Variants in ITPR2 observed in about 807,000 individuals in gnomAD.
ITPR2 encodes inositol 1,4,5-trisphosphate receptor type 2, also known as inositol 1,4,5-trisphosphate-gated calcium channel ITPR2.
ITPR2 carries 207 observed loss-of-function variants against 317.1 expected under a neutral mutation model. The observed-to-expected ratio is 0.65, with a 90% CI of 0.58 to 0.73. The LOEUF is 0.73. ITPR2 is among the 30% of genes least tolerant of loss of function. The pLI is 0.00. For synonymous variants in ITPR2, 1,156 were observed against 1,149.1 expected (o/e 1.01, Z -0.12); for missense variants, 2,613 against 3,284.0 (o/e 0.80, Z 4.99).
chr12:26,660,905 T>C (rs1947480849), intron 15 of ITPR2, among the ~76,000 whole-genome samples: 1 of 151,660 alleles, frequency 6.6e-6, no homozygotes, highest in Admixed American at 6.6e-5. Flanking sequence ...CTACAACATA[T>C]AGGTGAAGAT....
chr12:26,775,601 T>C (rs1223459499), intron 2 of ITPR2, among the ~76,000 whole-genome samples: 1 of 152,154 alleles, frequency 6.6e-6, no homozygotes, highest in Non-Finnish European at 1.5e-5. Context: ...TGATCTTGGG[T>C]GTATCTGTGA....
intron 55 of ITPR2, among the ~76,000 whole-genome samples, chr12:26,371,113 A>C (rs1003694433): frequency 6.6e-6 from 1 of 152,230 alleles, no homozygotes; most frequent in Non-Finnish European, 1.5e-5. Context: ...CCATACATGG[A>C]ATGAGCTGGC....
chr12:26,627,355 T>A (rs1156905446), intron 23 of ITPR2: 1 of 152,218 alleles, frequency 6.6e-6, no homozygotes, highest in Non-Finnish European at 1.5e-5. Context: ...ATTTGGACTC[T>A]CGAGCTGGAG....
At chr12:26,383,147 G>A (rs994854455) in intron 55 of ITPR2, among the ~76,000 whole-genome samples, 3 of 151,992 alleles carry the variant, frequency 2.0e-5, no homozygotes, top group South Asian at 2.1e-4. Context: ...CCTCTCTCTC[G>A]TTCTCTCTCT....
At chr12:26,702,822 A>G (rs1199055459) in intron 9 of ITPR2, among the ~76,000 whole-genome samples, 1 of 152,144 alleles carries the variant, frequency 6.6e-6, no homozygotes, top group African/African-American at 2.4e-5. Flanking sequence ...GGTTAGCTTT[A>G]CTATCTTGCA....
intron 9 of ITPR2, among the ~76,000 whole-genome samples, chr12:26,700,226 C>A (rs1260901058): frequency 6.6e-6 from 1 of 152,050 alleles, no homozygotes. Context: ...ACAAATTATT[C>A]ATGGAGAAGG....
intron 37 of ITPR2, among the ~76,000 whole-genome samples, chr12:26,540,926 T>C (rs1340718690): frequency 6.6e-6 from 1 of 152,138 alleles, no homozygotes; most frequent in Admixed American, 6.5e-5. Flanking sequence ...AGCATGCTAA[T>C]AATGTATACT....
intron 2 of ITPR2, among the ~76,000 whole-genome samples, chr12:26,735,933 T>C (rs1325580711): frequency 2.0e-5 from 3 of 152,208 alleles, no homozygotes; most frequent in Non-Finnish European, 4.4e-5. Context: ...CCCACGCTGG[T>C]TGGCCTCTAC....
chr12:26,564,735 T>G (rs1226589557), intron 34 of ITPR2, among the ~76,000 whole-genome samples: 3 of 152,134 alleles, frequency 2.0e-5, no homozygotes, highest in South Asian at 2.1e-4. Context: ...TCAGCAAACC[T>G]CAGAAGCTAA....
chr12:26,368,319 T>C (rs543462661), intron 55 of ITPR2, among the ~76,000 whole-genome samples: 12 of 152,348 alleles, frequency 7.9e-5, no homozygotes, highest in Non-Finnish European at 1.6e-4. Context: ...TAGTTTCTAA[T>C]CTAGTCTTGT....
chr12:26,810,970 CT>C (rs766682681), intron 1 of ITPR2, among the ~76,000 whole-genome samples: 12 of 139,342 alleles, frequency 8.6e-5, no homozygotes, highest in Non-Finnish European at 1.4e-4. Flanking sequence ...CTGGTCTGTT[CT>C]GTTTTTTTAA....
At chr12:26,627,876 C>T (rs1946656429) in intron 23 of ITPR2, among the ~76,000 whole-genome samples, 157 bp downstream of exon 23, 1 of 151,914 alleles carries the variant, frequency 6.6e-6, no homozygotes, top group Non-Finnish European at 1.5e-5. Flanking sequence ...ACCTATGTAA[C>T]AAATCTGCAC....
At chr12:26,437,414 C>T (rs544072989) in intron 47 of ITPR2, among the ~76,000 whole-genome samples, 30 of 152,236 alleles carry the variant, frequency 2.0e-4, no homozygotes, top group African/African-American at 7.0e-4. Context: ...ATTCCAATGC[C>T]GAAATATGCT....
chr12:26,779,292 C>G (rs1950035377), intron 2 of ITPR2, among the ~76,000 whole-genome samples: 2 of 152,194 alleles, frequency 1.3e-5, no homozygotes, highest in Admixed American at 6.5e-5. Context: ...TGGTCTGGTA[C>G]TGGGCTTTGG....
At chr12:26,445,511 A>C (rs1319511690) in intron 45 of ITPR2, among the ~76,000 whole-genome samples, 1 of 151,486 alleles carries the variant, frequency 6.6e-6, no homozygotes, top group African/African-American at 2.4e-5. Flanking sequence ...TTGGTTAAGA[A>C]AGGTAGGAAC....
In ITPR2 at chr12:26,710,345, C is replaced by T. The variant is rs372175330; in HGVS notation, c.951+828G>A. On this transcript the variant is annotated intron_variant, in intron 9 of 56. Transcript: ENST00000381340. ...GAGAATTAGAAATATATTTGATTAT[C>T]CCCATTTTCCAGAAGAAGAAATTGG... 6.6e-5 allele frequency among the ~76,000 whole-genome samples: 10 copies of T among 152,326 alleles called. No homozygotes were observed. The East Asian group carries it at 1.9e-3, about 29-fold the overall frequency.
At chr12:26,390,927 A>G (rs1453974424) in intron 54 of ITPR2, among the ~76,000 whole-genome samples, 8 of 152,210 alleles carry the variant, frequency 5.3e-5, no homozygotes, top group Non-Finnish European at 1.0e-4. Context: ...TCTTACTATC[A>G]ATTAATCTGT....
chr12:26,605,817 A>G (rs761429704), intron 26 of ITPR2, among the ~76,000 whole-genome samples: 6 of 152,176 alleles, frequency 3.9e-5, no homozygotes, highest in Non-Finnish European at 8.8e-5. Context: ...TCAACAAACA[A>G]CCCCTTTTAA....
At chr12:26,829,670 C>A (rs1287837497) in intron 1 of ITPR2, among the ~76,000 whole-genome samples, 1 of 152,166 alleles carries the variant, frequency 6.6e-6, no homozygotes, top group African/African-American at 2.4e-5. Context: ...CCTTTGGACA[C>A]TATTCCAGTG....
Sources: gnomAD v4.1 joint callset for allele counts (sites outside exome capture counted in the v4.1 genomes callset) on GRCh38, gnomAD v4.1.1 for gene constraint, MANE v1.5 for transcripts, NCBI Gene and HGNC (gene_info 2026-07-23, HGNC 2026-07-21) for gene names.